Variants in IL1RAPL1 observed in about 807,000 individuals in gnomAD.
The protein encoded by IL1RAPL1 is interleukin 1 receptor accessory protein like 1, also known as interleukin-1 receptor accessory protein-like 1.
In IL1RAPL1, 3 loss-of-function variants were observed where a neutral mutation model predicts 48.4. The ratio of observed to expected loss-of-function variants is 0.06; its 90% confidence interval spans 0.03 to 0.16. The LOEUF is 0.16. Ranked by LOEUF, IL1RAPL1 falls within the 10% of genes least tolerant of loss-of-function variation. The pLI is 1.00. For synonymous variants in IL1RAPL1, 185 were observed against 187.7 expected (o/e 0.99, Z 0.12); for missense variants, 349 against 530.6 (o/e 0.66, Z 3.36).
chrX:29,880,158 CA>C (rs1428542257), intron 6 of IL1RAPL1, among the ~76,000 whole-genome samples: 1 of 111,182 alleles, frequency 9.0e-6, no homozygotes, highest in Non-Finnish European at 1.9e-5. Context: ...TAGATACTAT[CA>C]ATATTTTTTC....
chrX:29,824,484 A>G, intron 6 of IL1RAPL1, among the ~76,000 whole-genome samples: 1 of 111,518 alleles, frequency 9.0e-6, no homozygotes, highest in Non-Finnish European at 1.9e-5. Context: ...GATATTTCTA[A>G]AGAAAGCTTG....
At chrX:28,688,364 G>A (rs1935137679) in intron 1 of IL1RAPL1, among the ~76,000 whole-genome samples, 1 of 109,186 alleles carries the variant, frequency 9.2e-6, no homozygotes, top group Admixed American at 9.8e-5. Flanking sequence ...GTGCACCACC[G>A]TGCCCAGTTA....
At chrX:28,903,867 T>G (rs967607645) in intron 2 of IL1RAPL1, among the ~76,000 whole-genome samples, 4 of 110,603 alleles carry the variant, frequency 3.6e-5, no homozygotes, top group African/African-American at 1.3e-4. Context: ...GTATTATATT[T>G]AAATTATGAG....
At chrX:29,241,841 T>C in intron 2 of IL1RAPL1, among the ~76,000 whole-genome samples, 1 of 111,686 alleles carries the variant, frequency 9.0e-6, no homozygotes, top group Non-Finnish European at 1.9e-5. Flanking sequence ...TATAACATTT[T>C]TTTTCCCCAA....
intron 2 of IL1RAPL1, among the ~76,000 whole-genome samples, chrX:29,221,672 C>T (rs1413048973): frequency 2.2e-5 from 2 of 91,948 alleles, no homozygotes; most frequent in Non-Finnish European, 4.5e-5. Context: ...CACACACACA[C>T]ATATGACAGA....
chrX:29,920,850 A>C (rs1258814210), intron 8 of IL1RAPL1, among the ~76,000 whole-genome samples: 4 of 108,749 alleles, frequency 3.7e-5, no homozygotes, highest in South Asian at 3.9e-4. Context: ...GAAAAAAAAA[A>C]AACAACTAAA....
At chrX:29,387,335 T>G (rs1933791727) in intron 3 of IL1RAPL1, among the ~76,000 whole-genome samples, 1 of 112,199 alleles carries the variant, frequency 8.9e-6, no homozygotes, top group South Asian at 3.7e-4. Flanking sequence ...GTCTGCAGAG[T>G]ATGGACCCAT....
intron 5 of IL1RAPL1, among the ~76,000 whole-genome samples, chrX:29,540,185 A>C (rs976877686): frequency 9.0e-6 from 1 of 111,110 alleles, no homozygotes; most frequent in Admixed American, 9.6e-5. Context: ...TTCAATAGTG[A>C]CAAAAAATAA....
intron 2 of IL1RAPL1, among the ~76,000 whole-genome samples, chrX:28,891,379 A>G (rs1442725805): frequency 8.9e-6 from 1 of 112,089 alleles, no homozygotes; most frequent in Non-Finnish European, 1.9e-5. Flanking sequence ...ATGATTTCTA[A>G]TAATAACCAT....
At chrX:28,609,951 G>A (rs1437251710) in intron 1 of IL1RAPL1, among the ~76,000 whole-genome samples, 1 of 111,389 alleles carries the variant, frequency 9.0e-6, no homozygotes, top group African/African-American at 3.3e-5. Context: ...ATTTAGCTCT[G>A]AAAAAACTAG....
chrX:29,907,810 G>A (rs780033692), intron 6 of IL1RAPL1, among the ~76,000 whole-genome samples: 1 of 108,601 alleles, frequency 9.2e-6, no homozygotes, highest in Non-Finnish European at 1.9e-5. Context: ...ATTAGCATTA[G>A]CATTACATCT....
At chrX:28,615,557 A>C (rs1380952882) in intron 1 of IL1RAPL1, among the ~76,000 whole-genome samples, 3 of 110,853 alleles carry the variant, frequency 2.7e-5, no homozygotes, top group African/African-American at 9.9e-5. Context: ...TGGATGATAA[A>C]AGCCATCAAC....
At chrX:29,888,775 A>G (rs929639373) in intron 6 of IL1RAPL1, among the ~76,000 whole-genome samples, 1 of 112,103 alleles carries the variant, frequency 8.9e-6, no homozygotes, top group African/African-American at 3.2e-5. Context: ...GAAACAACCA[A>G]TTCATTATGC....
intron 2 of IL1RAPL1, among the ~76,000 whole-genome samples, chrX:29,074,318 G>T: frequency 9.0e-6 from 1 of 111,407 alleles, no homozygotes; most frequent in East Asian, 2.8e-4. Flanking sequence ...CATTTCCTAG[G>T]ATCTAAGCCC....
chrX:28,952,183 G>T (rs959885099), intron 2 of IL1RAPL1, among the ~76,000 whole-genome samples: 4 of 110,666 alleles, frequency 3.6e-5, no homozygotes, highest in East Asian at 2.8e-4. Flanking sequence ...TATATTTAAG[G>T]ATTACTTAAA....
intron 2 of IL1RAPL1, among the ~76,000 whole-genome samples, chrX:29,156,256 T>C (rs1176478486): frequency 9.0e-6 from 1 of 111,547 alleles, no homozygotes; most frequent in Non-Finnish European, 1.9e-5. Context: ...CCTAGCAAAG[T>C]GTATCCTGTT....
At chrX:28,960,367 C>T (rs1924735757) in intron 2 of IL1RAPL1, among the ~76,000 whole-genome samples, 2 of 111,623 alleles carry the variant, frequency 1.8e-5, no homozygotes, top group Non-Finnish European at 3.8e-5. Flanking sequence ...AAAATAATCT[C>T]TTATGGAATA....
chrX:28,604,634 G>A (rs1034902659), intron 1 of IL1RAPL1, among the ~76,000 whole-genome samples: 2 of 105,974 alleles, frequency 1.9e-5, no homozygotes, highest in Non-Finnish European at 3.9e-5. Context: ...GGCTGAGGCA[G>A]GAGAATCACT....
At chrX:28,667,812 A>T (rs372068080) in intron 1 of IL1RAPL1, among the ~76,000 whole-genome samples, 2 of 111,612 alleles carry the variant, frequency 1.8e-5, no homozygotes, top group East Asian at 5.7e-4. Flanking sequence ...TTATATCCTC[A>T]CATGGTGGAG....
Sources: gnomAD v4.1 joint callset for allele counts (sites outside exome capture counted in the v4.1 genomes callset) on GRCh38, gnomAD v4.1.1 for gene constraint, MANE v1.5 for transcripts, NCBI Gene and HGNC (gene_info 2026-07-23, HGNC 2026-07-21) for gene names.